Variants in DLG2 observed in about 807,000 individuals in gnomAD.
DLG2 encodes the protein disks large homolog 2.
Under a neutral mutation model 132.5 loss-of-function variants are expected in DLG2, and 45 were observed. The ratio of observed to expected loss-of-function variants is 0.34; its 90% CI spans 0.27 to 0.44. DLG2 has a LOEUF of 0.44. DLG2 is among the 20% of genes least tolerant of loss of function. DLG2 has a pLI of 1.00. For synonymous variants in DLG2, 424 were observed against 419.6 expected (o/e 1.01, Z -0.13); for missense variants, 1,045 against 1,196.9 (o/e 0.87, Z 1.87).
At chr11:84,125,237 T>C (rs1245721878) in intron 9 of DLG2, among the ~76,000 whole-genome samples, 2 of 152,128 alleles carry the variant, frequency 1.3e-5, no homozygotes, top group Admixed American at 1.3e-4. Flanking sequence ...TTAGAGGTGG[T>C]TGTATGCAAA....
chr11:85,140,614 A>G (rs1367157561), intron 5 of DLG2, among the ~76,000 whole-genome samples: 1 of 151,134 alleles, frequency 6.6e-6, no homozygotes, highest in Non-Finnish European at 1.5e-5. Context: ...TTTTTGATAT[A>G]TACAATAATT....
chr11:84,858,265 T>C (rs1456934924), intron 6 of DLG2, among the ~76,000 whole-genome samples: 2 of 151,990 alleles, frequency 1.3e-5, no homozygotes, highest in Non-Finnish European at 2.9e-5. Context: ...AGTAGGTTTA[T>C]AGTTGCCCAG....
chr11:85,463,405 C>T (rs76538609), intron 3 of DLG2, among the ~76,000 whole-genome samples: 5,406 of 152,194 alleles, frequency 0.036, 146 homozygotes, highest in Admixed American at 0.053. Flanking sequence ...AAAAGATTCA[C>T]AATAGGTTAG....
intron 18 of DLG2, among the ~76,000 whole-genome samples, chr11:83,734,156 T>A: frequency 6.6e-6 from 1 of 152,096 alleles, no homozygotes; most frequent in Admixed American, 6.5e-5. Context: ...TATCTCTACA[T>A]CTCTCTATAT....
chr11:85,599,750 T>A (rs1165046096), intron 2 of DLG2, among the ~76,000 whole-genome samples: 2 of 152,242 alleles, frequency 1.3e-5, no homozygotes, highest in Non-Finnish European at 2.9e-5. Context: ...CATCATTCCG[T>A]CTTCTTCTAA....
intron 6 of DLG2, among the ~76,000 whole-genome samples, chr11:85,023,011 T>A (rs1385444108): frequency 1.3e-5 from 2 of 152,074 alleles, no homozygotes; most frequent in Non-Finnish European, 2.9e-5. Context: ...ATAACTGTCA[T>A]TAAACAAATA....
chr11:84,589,834 C>T (rs188265698), intron 6 of DLG2, among the ~76,000 whole-genome samples: 133 of 152,272 alleles, frequency 8.7e-4, no homozygotes, highest in Non-Finnish European at 1.7e-3. Context: ...ACCAAATATA[C>T]ATGGAAATAA....
chr11:84,173,394 T>C (rs2154271155), intron 8 of DLG2, among the ~76,000 whole-genome samples: 1 of 152,316 alleles, frequency 6.6e-6, no homozygotes, highest in Middle Eastern at 3.4e-3. Flanking sequence ...TTGTAAGGCA[T>C]CATGATACAC....
chr11:83,573,112 A>C (rs183749993), intron 19 of DLG2, among the ~76,000 whole-genome samples: 1 of 152,256 alleles, frequency 6.6e-6, no homozygotes, highest in East Asian at 1.9e-4. Flanking sequence ...CTAATTAATA[A>C]ATCTTTTGGT....
chr11:83,642,906 G>A (rs2066993557), intron 18 of DLG2, among the ~76,000 whole-genome samples: 1 of 151,988 alleles, frequency 6.6e-6, no homozygotes, highest in Non-Finnish European at 1.5e-5. Flanking sequence ...TTTTTGAAAG[G>A]TAAATGCAAC....
intron 18 of DLG2, among the ~76,000 whole-genome samples, chr11:83,638,833 G>C (rs1016853597): frequency 1.3e-5 from 2 of 152,170 alleles, no homozygotes; most frequent in Non-Finnish European, 2.9e-5. Context: ...GAATATCAGT[G>C]ATTTCATTCA....
intron 6 of DLG2, among the ~76,000 whole-genome samples, chr11:84,834,431 A>G (rs918401841): frequency 1.3e-5 from 2 of 151,636 alleles, no homozygotes; most frequent in Non-Finnish European, 3.0e-5. Context: ...CCCTAATGTT[A>G]AAAATTCCTT....
intron 7 of DLG2, among the ~76,000 whole-genome samples, chr11:84,394,237 T>G (rs557700363): frequency 1.3e-5 from 2 of 152,286 alleles, no homozygotes; most frequent in East Asian, 1.9e-4. Flanking sequence ...TCATTTAGAT[T>G]AATTCAGATA....
At chr11:83,927,741 A>G (rs989463331) in intron 15 of DLG2, among the ~76,000 whole-genome samples, 1 of 152,140 alleles carries the variant, frequency 6.6e-6, no homozygotes, top group Admixed American at 6.6e-5. Flanking sequence ...CTGGAGGTCA[A>G]CAGTGGAAAT....
intron 11 of DLG2, among the ~76,000 whole-genome samples, chr11:84,040,461 CA>C (rs1203550362): frequency 2.0e-5 from 3 of 150,788 alleles, no homozygotes; most frequent in African/African-American, 7.2e-5. Flanking sequence ...TTCCCGGCAC[CA>C]TTTATTAAAT....
chr11:84,954,823 C>T (rs1422363139), intron 6 of DLG2, among the ~76,000 whole-genome samples: 1 of 152,156 alleles, frequency 6.6e-6, no homozygotes, highest in Non-Finnish European at 1.5e-5. Context: ...ACAGGACACA[C>T]AATTAATAAG....
chr11:84,353,312 C>T (rs1023460083), intron 7 of DLG2, among the ~76,000 whole-genome samples: 5 of 152,144 alleles, frequency 3.3e-5, no homozygotes, highest in Admixed American at 1.3e-4. Context: ...ATACCCCAAA[C>T]TGAACTCGCC....
intron 17 of DLG2, among the ~76,000 whole-genome samples, chr11:83,795,723 T>C (rs2042671228): frequency 6.6e-6 from 1 of 152,142 alleles, no homozygotes; most frequent in South Asian, 2.1e-4. Context: ...CTTGAATAAA[T>C]GATGATTCTC....
intron 18 of DLG2, among the ~76,000 whole-genome samples, chr11:83,703,200 ATCTC>A (rs1436241391): frequency 6.6e-6 from 1 of 152,220 alleles, no homozygotes; most frequent in Non-Finnish European, 1.5e-5. Context: ...TATAAAGGGA[ATCTC>A]TCTGACCATA....
Sources: allele counts gnomAD v4.1 joint callset (sites outside exome capture counted in the v4.1 genomes callset), GRCh38; gene constraint gnomAD v4.1.1; transcripts MANE v1.5; gene names NCBI Gene and HGNC (gene_info 2026-07-23, HGNC 2026-07-21).